Variants in TMEM178B observed in about 807,000 individuals in gnomAD.
TMEM178B encodes the protein transmembrane protein 178B.
Under a neutral mutation model 31.0 loss-of-function variants are expected in TMEM178B, and 5 were observed. The observed-to-expected ratio is 0.16, with a 90% CI of 0.08 to 0.34. The LOEUF is 0.34. Ranked by LOEUF, TMEM178B falls within the 10% of genes least tolerant of loss-of-function variation. The pLI, the probability that TMEM178B is intolerant of heterozygous loss-of-function variation, is 1.00. For synonymous variants in TMEM178B, 164 were observed against 164.0 expected (o/e 1.00, Z 0.00); for missense variants, 275 against 400.3 (o/e 0.69, Z 2.67).
chr7:141,356,076 G>A (rs1300292756), intron 2 of TMEM178B, among the ~76,000 whole-genome samples: 2 of 152,152 alleles, frequency 1.3e-5, no homozygotes, highest in Non-Finnish European at 2.9e-5. Flanking sequence ...AGTATTCTAT[G>A]GTGTATATGT....
intron 2 of TMEM178B, among the ~76,000 whole-genome samples, chr7:141,234,396 T>G (rs1294335783): frequency 6.6e-6 from 1 of 152,116 alleles, no homozygotes; most frequent in Non-Finnish European, 1.5e-5. Flanking sequence ...CTTTCTAGAT[T>G]GATGTAGCAG....
At chr7:141,373,928 C>A (rs1377337260) in intron 2 of TMEM178B, among the ~76,000 whole-genome samples, 3 of 152,206 alleles carry the variant, frequency 2.0e-5, no homozygotes, top group African/African-American at 7.2e-5. Flanking sequence ...CTCACATGGG[C>A]AAACATTTAG....
chr7:141,474,941 G>T lies in TMEM178B; in HGVS notation c.*4155G>T, dbSNP rs1802335351. 1 of 152,238 alleles carries T rather than the reference G, an allele frequency of 6.6e-6. No homozygotes were observed. The highest frequency in any genetic ancestry group is 2.4e-5 in the African/African-American group (1 of 41,442). 9.4% of individuals were successfully genotyped at this position (152,238 alleles called of 1,614,324 possible). On this transcript the variant is annotated 3_prime_UTR_variant, in exon 4 of 4. Transcript: ENST00000565468. Reference sequence around the variant, plus strand: ...TGATTTTTCAAATATCTGGGGGAAGGAGTGGGAAGAGATACACTCTGGTCA... The same window carrying T: ...TGATTTTTCAAATATCTGGGGGAAGTAGTGGGAAGAGATACACTCTGGTCA...
chr7:141,239,638 G>T (rs114894676), intron 2 of TMEM178B, among the ~76,000 whole-genome samples: 1 of 151,772 alleles, frequency 6.6e-6, no homozygotes, highest in Middle Eastern at 3.2e-3. Context: ...GGCATCCCAC[G>T]GCACCCACCA....
At chr7:141,487,149 C>T in the TMEM178B span, among the ~76,000 whole-genome samples, 48 of 152,268 alleles carry the variant, frequency 3.2e-4, 1 homozygote, top group East Asian at 8.7e-3. Context: ...TTGGGGTTTT[C>T]ACCACACTGT....
chr7:141,137,761 A>G (rs1271164392), intron 1 of TMEM178B, among the ~76,000 whole-genome samples: 1 of 152,222 alleles, frequency 6.6e-6, no homozygotes, highest in African/African-American at 2.4e-5. Context: ...CATTGTATGC[A>G]TATATCAAAT....
In TMEM178B at chr7:141,157,008, C is replaced by T. The variant is rs1191461563; in HGVS notation, c.383-55583C>T. Among the ~76,000 whole-genome samples the T allele has an allele frequency of 3.3e-5, 5 of 152,164 alleles. No homozygotes were observed. The East Asian group carries it at 9.6e-4, about 29-fold the overall frequency. ...TAGTTGGGGCTCAGGTCTTCTCCAC[C>T]CAGCTCCCAGCTTTCAGTTTTCTGG... is the stretch of plus-strand genomic sequence containing the variant. On this transcript the variant is annotated intron_variant, in intron 1 of 3. Coordinates refer to ENST00000565468, the MANE Select transcript of TMEM178B (RefSeq NM_001195278.2).
At chr7:141,121,002 CCTT>C (rs745929191) in intron 1 of TMEM178B, among the ~76,000 whole-genome samples, 2 of 151,378 alleles carry the variant, frequency 1.3e-5, no homozygotes, top group Non-Finnish European at 2.9e-5. Flanking sequence ...ATTATATACT[CCTT>C]CTGCTATTTC....
chr7:141,425,620 C>T (rs972316832), intron 2 of TMEM178B, among the ~76,000 whole-genome samples: 6 of 152,060 alleles, frequency 3.9e-5, no homozygotes, highest in East Asian at 3.9e-4. Context: ...TTTGGGTTTG[C>T]GACTCTGCCT....
chr7:141,371,343 G>A (rs1255400581), intron 2 of TMEM178B, among the ~76,000 whole-genome samples: 1 of 151,626 alleles, frequency 6.6e-6, no homozygotes. Context: ...TTCCTCTTTT[G>A]TCAAATGATC....
intron 1 of TMEM178B, among the ~76,000 whole-genome samples, chr7:141,183,964 T>A (rs989889628): frequency 6.6e-6 from 1 of 152,180 alleles, no homozygotes; most frequent in African/African-American, 2.4e-5. Flanking sequence ...ACTGGACCTC[T>A]CTGAGGTCAG....
chr7:141,074,235 C>T lies in TMEM178B; in HGVS notation c.-76C>T, dbSNP rs1794556691. On this transcript the variant is annotated 5_prime_UTR_variant, in exon 1 of 4. Transcript: ENST00000565468. This position sits in a 1 kb window ranked among gnomAD's most constrained non-coding sequence, Gnocchi z 5.1. ...CCCCTCCCCCAGCTCGGCCGCCCGC[C>T]GCTTTGTTCCGGGTGCGGCGAGGGA... The T allele has an allele frequency of 1.1e-5, 16 of 1,436,852 alleles. No homozygotes were observed. Among genetic ancestry groups the T allele is most frequent in the Non-Finnish European group, 1.2e-5 (13 of 1,098,558 alleles). The allele number at this position is 1,436,852 out of a possible 1,614,324, so 89.0% of individuals were successfully genotyped here.
At chr7:141,297,364 A>T (rs551178360) in intron 2 of TMEM178B, among the ~76,000 whole-genome samples, 3 of 152,088 alleles carry the variant, frequency 2.0e-5, no homozygotes, top group African/African-American at 7.2e-5. Flanking sequence ...TATTATTATT[A>T]TTTTTATTAT....
chr7:141,166,459 C>T (rs116257625), intron 1 of TMEM178B, among the ~76,000 whole-genome samples: 257 of 152,274 alleles, frequency 1.7e-3, no homozygotes, highest in East Asian at 6.8e-3. Context: ...TTTGCTTTCC[C>T]CAGAACATAT....
At chr7:141,293,153 G>A (rs1798575637) in intron 2 of TMEM178B, among the ~76,000 whole-genome samples, 1 of 152,156 alleles carries the variant, frequency 6.6e-6, no homozygotes, top group Admixed American at 6.5e-5. Context: ...CTCATCTGGG[G>A]TTTGGAGATG....
chr7:141,213,949 C>T (rs1389902126), intron 2 of TMEM178B, among the ~76,000 whole-genome samples: 1 of 152,184 alleles, frequency 6.6e-6, no homozygotes, highest in African/African-American at 2.4e-5. Context: ...TTACTAGAGA[C>T]ACTAAGCAGC....
chr7:141,309,618 G>C (rs1054096592), intron 2 of TMEM178B, among the ~76,000 whole-genome samples: 1 of 151,998 alleles, frequency 6.6e-6, no homozygotes, highest in African/African-American at 2.4e-5. Context: ...ATCTTCTCTT[G>C]TGACTTGATG....
At chr7:141,121,772 C>T (rs1235594742) in intron 1 of TMEM178B, among the ~76,000 whole-genome samples, 3 of 152,186 alleles carry the variant, frequency 2.0e-5, no homozygotes, top group Admixed American at 1.3e-4. Context: ...TTTTCCTCCC[C>T]ATGAACCTGG....
At chr7:141,228,944 A>G (rs548923719) in intron 2 of TMEM178B, among the ~76,000 whole-genome samples, 48 of 151,206 alleles carry the variant, frequency 3.2e-4, no homozygotes, top group Non-Finnish European at 6.6e-4. Context: ...ACTATAATTC[A>G]TCTCCTTCAG....
Sources: allele counts gnomAD v4.1 joint callset (sites outside exome capture counted in the v4.1 genomes callset), GRCh38; gene constraint gnomAD v4.1.1; non-coding constraint Gnocchi (gnomAD v3.1); transcripts MANE v1.5; gene names NCBI Gene and HGNC (gene_info 2026-07-23, HGNC 2026-07-21).